The following TSNARE1 variants were observed in gnomAD, a reference collection of about 807,000 sequenced individuals.
TSNARE1 encodes the protein t-SNARE domain containing 1.
A neutral mutation model predicts 62.0 loss-of-function variants in TSNARE1; 49 were observed. The ratio of observed to expected loss-of-function variants is 0.79; its 90% CI spans 0.63 to 1.00. The LOEUF (loss-of-function observed/expected upper bound fraction) is 1.00, where lower values mean the gene tolerates loss of function less well. Among genes scored for constraint, TSNARE1 ranks in the 50% least tolerant of loss-of-function variants. The pLI is 0.00. For missense variants in TSNARE1, 755 were observed against 700.1 expected (o/e 1.08, Z -0.88); for synonymous variants, 328 against 294.4 (o/e 1.11, Z -1.17).
rs180959862 is a variant in TSNARE1, at chr8:142,225,133, C to T, written c.*11+4340G>A. ...CCAACCTCTCCCTGCTGTCAGCCCCCGATGGTTGCCCTGCCTCCCCCCTCC... is the reference window on the plus strand; with the variant it reads ...CCAACCTCTCCCTGCTGTCAGCCCCTGATGGTTGCCCTGCCTCCCCCCTCC... On this transcript the variant is annotated intron_variant, in intron 13 of 13. Coordinates refer to ENST00000524325, the MANE Select transcript of TSNARE1 (RefSeq NM_145003.5). Among the ~76,000 whole-genome samples the T allele has an allele frequency of 2.0e-4, 31 of 152,202 alleles. No individual in the cohort carries two copies. The East Asian group carries it at 2.3e-3, about 11-fold the overall frequency.
chr8:142,274,216 G>A (rs986713133), intron 12 of TSNARE1: 3 of 985,424 alleles, frequency 3.0e-6, no homozygotes, highest in African/African-American at 1.7e-5. Context: ...ACAGCGGCTG[G>A]GCCTCCATCT....
intron 1 of TSNARE1, among the ~76,000 whole-genome samples, chr8:142,356,667 C>G (rs189276263): frequency 6.6e-6 from 1 of 152,166 alleles, no homozygotes; most frequent in Admixed American, 6.5e-5. Context: ...ACACTTGGCG[C>G]GTGACGACAA....
intron 12 of TSNARE1, among the ~76,000 whole-genome samples, chr8:142,256,329 CTT>C (rs1818556797): frequency 7.5e-6 from 1 of 134,084 alleles, no homozygotes; most frequent in Non-Finnish European, 1.6e-5. Flanking sequence ...CCATCACCAT[CTT>C]TGCCACCATC....
At chr8:142,378,429 T>G (rs1294708976) in intron 1 of TSNARE1, among the ~76,000 whole-genome samples, 1 of 152,148 alleles carries the variant, frequency 6.6e-6, no homozygotes, top group Admixed American at 6.5e-5. Flanking sequence ...AAGACAGCCA[T>G]CAAAACTCAT....
At chr8:142,302,045 C>T (rs1304477669) in intron 9 of TSNARE1, among the ~76,000 whole-genome samples, 1 of 152,176 alleles carries the variant, frequency 6.6e-6, no homozygotes, top group African/African-American at 2.4e-5. Context: ...CCTTTACTTG[C>T]TCCTCATGCT....
intron 11 of TSNARE1, chr8:142,280,007 G>A (rs1214963292): frequency 5.0e-6 from 6 of 1,198,608 alleles, no homozygotes; most frequent in Admixed American, 3.7e-5. Flanking sequence ...CGCAGGTCCC[G>A]CCACTTGTGC....
At chr8:142,328,076 G>A (rs967167920) in intron 6 of TSNARE1, among the ~76,000 whole-genome samples, 1 of 149,722 alleles carries the variant, frequency 6.7e-6, no homozygotes, top group African/African-American at 2.5e-5. Context: ...CGGGTCCTCT[G>A]TGCCACTGTG....
intron 6 of TSNARE1, among the ~76,000 whole-genome samples, chr8:142,330,190 C>T (rs1830811630): frequency 6.6e-6 from 1 of 152,216 alleles, no homozygotes; most frequent in South Asian, 2.1e-4. Flanking sequence ...GCAGCAAGTG[C>T]AGTGGGGGCC....
At chr8:142,256,572 C>T (rs144497541) in intron 12 of TSNARE1, among the ~76,000 whole-genome samples, 62,355 of 124,232 alleles carry the variant, frequency 0.5, 15,467 homozygotes, top group African/African-American at 0.69. Context: ...ATCACCATCA[C>T]CATCATCACC....
intron 9 of TSNARE1, among the ~76,000 whole-genome samples, chr8:142,310,018 A>T (rs769737666): frequency 1.7e-4 from 26 of 151,460 alleles, no homozygotes; most frequent in Non-Finnish European, 2.9e-4. Context: ...TGTTTATAAC[A>T]TCCCTGCGTT....
At chr8:142,256,590 C>A (rs1295384826) in intron 12 of TSNARE1, among the ~76,000 whole-genome samples, 230 of 150,030 alleles carry the variant, frequency 1.5e-3, no homozygotes, top group African/African-American at 5.5e-3. Flanking sequence ...ACCACCATCA[C>A]CATCACTATC....
At chr8:142,343,905 GC>G (rs892850606) in intron 4 of TSNARE1, 60 bp downstream of exon 4, 124 of 1,418,528 alleles carry the variant, frequency 8.7e-5, no homozygotes, top group East Asian at 2.4e-4. Context: ...GCCAAGATGG[GC>G]CCCCCCCTCC....
chr8:142,276,330 A>G, intron 11 of TSNARE1: 2 of 985,388 alleles, frequency 2.0e-6, no homozygotes, highest in South Asian at 9.4e-5. Flanking sequence ...CCAATGGAGG[A>G]GGAGAGGGAA....
rs555038082 is a variant in TSNARE1, at chr8:142,252,599, C to T, written c.1446+22182G>A. 2.5e-4 allele frequency among the ~76,000 whole-genome samples: 38 copies of T among 152,318 alleles called. 1 individual carries two copies. The South Asian group carries it at 3.1e-3, about 12-fold the overall frequency. Reference sequence around the variant, plus strand: ...AGGAAGAAATGGCTCAGAGACAACACGATTTGTCAAAAGTCACACAGCAAG... The same window carrying T: ...AGGAAGAAATGGCTCAGAGACAACATGATTTGTCAAAAGTCACACAGCAAG... On this transcript the variant is annotated intron_variant, in intron 12 of 13. Transcript: ENST00000524325.
chr8:142,385,552 G>C (rs1042568223), intron 1 of TSNARE1, among the ~76,000 whole-genome samples: 2 of 152,146 alleles, frequency 1.3e-5, no homozygotes, highest in African/African-American at 2.4e-5. Context: ...CCTGGGAGGG[G>C]AATACGACAA....
At chr8:142,268,901 C>T (rs902912188) in intron 12 of TSNARE1, among the ~76,000 whole-genome samples, 19 of 152,212 alleles carry the variant, frequency 1.2e-4, no homozygotes, top group African/African-American at 3.6e-4. Flanking sequence ...ATGTCGGTGA[C>T]GTAGGGGCCA....
chr8:142,274,908 C>T (rs1384063142), intron 11 of TSNARE1, 45 bp from the exon 12 acceptor site: 5 of 1,457,708 alleles, frequency 3.4e-6, no homozygotes, highest in Non-Finnish European at 9.1e-7. Context: ...GGAGGCCCAG[C>T]CGCCCCCGCC....
intron 4 of TSNARE1, 45 bp from the exon 5 acceptor site, chr8:142,331,876 A>T (rs533014137): frequency 2.0e-4 from 306 of 1,559,024 alleles, no homozygotes; most frequent in Admixed American, 3.3e-4. Context: ...CTAAGGGTGA[A>T]GCCTGCAGGC....
chr8:142,351,754 C>G (rs1267531467), intron 2 of TSNARE1, among the ~76,000 whole-genome samples: 2 of 152,166 alleles, frequency 1.3e-5, no homozygotes, highest in African/African-American at 2.4e-5. Context: ...ACAGGAAAAG[C>G]AAACTTGACC....
Sources: gnomAD v4.1 joint callset for allele counts (sites outside exome capture counted in the v4.1 genomes callset) on GRCh38, gnomAD v4.1.1 for gene constraint, MANE v1.5 for transcripts, NCBI Gene and HGNC (gene_info 2026-07-23, HGNC 2026-07-21) for gene names.